The following TNFRSF1B variants were observed in gnomAD, a reference collection of about 807,000 sequenced individuals.
The protein encoded by TNFRSF1B is tumor necrosis factor receptor superfamily member 1B.
A neutral mutation model predicts 44.6 loss-of-function variants in TNFRSF1B; 19 were observed. The observed-to-expected ratio is 0.43, with a 90% CI of 0.30 to 0.62. The LOEUF is 0.62. TNFRSF1B is among the 20% of genes least tolerant of loss of function. TNFRSF1B has a pLI of 0.16. For synonymous variants in TNFRSF1B, 252 were observed against 261.1 expected (o/e 0.97, Z 0.34); for missense variants, 541 against 619.9 (o/e 0.87, Z 1.35).
At chr1:12,192,807 C>T (rs923246282) in intron 5 of TNFRSF1B, 56 bp from the exon 6 acceptor site, 15 of 1,469,154 alleles carry the variant, frequency 1.0e-5, no homozygotes, top group Non-Finnish European at 1.4e-5. Flanking sequence ...ATGAGCCCAG[C>T]CACCCCAGCC....
intron 1 of TNFRSF1B, among the ~76,000 whole-genome samples, chr1:12,183,804 AGCTATCTATCTAT>A (rs1251944357): frequency 3.0e-4 from 36 of 121,322 alleles, no homozygotes; most frequent in East Asian, 7.0e-4. Flanking sequence ...CTATCTATCT[AGCTATCTATCTAT>A]TCTATCTACC....
intron 5 of TNFRSF1B, 48 bp downstream of exon 5, chr1:12,192,572 C>A: frequency 6.4e-7 from 1 of 1,569,586 alleles, no homozygotes. Flanking sequence ...AGGGGCTGTC[C>A]CTGGGTGACT....
intron 2 of TNFRSF1B, among the ~76,000 whole-genome samples, chr1:12,190,752 A>G (rs1265783861): frequency 6.6e-6 from 1 of 151,892 alleles, no homozygotes; most frequent in East Asian, 1.9e-4. Context: ...AGCAGAGAGG[A>G]ATCTATTTTT....
rs367831512 is a variant in TNFRSF1B, at chr1:12,196,363, G to A, written c.900+1745G>A. Among the ~76,000 whole-genome samples the A allele has an allele frequency of 1.1e-4, 17 of 152,232 alleles. 1 individual carries two copies. Among genetic ancestry groups the A allele is most frequent in the South Asian group, 2.1e-4 (1 of 4,818 alleles). ...CTTACTTAGTTGTGGGGGCTGTCCC[G>A]TGCTATTCAGCAGCATCTTTGGTCT... On this transcript the variant is annotated intron_variant, in intron 8 of 9. Coordinates refer to ENST00000376259, the MANE Select transcript of TNFRSF1B (RefSeq NM_001066.3).
intron 9 of TNFRSF1B, among the ~76,000 whole-genome samples, chr1:12,204,213 C>G (rs1430196915): frequency 1.3e-5 from 2 of 152,150 alleles, no homozygotes; most frequent in African/African-American, 4.8e-5. Context: ...CCTAACACCT[C>G]CCTCCACTGT....
intron 1 of TNFRSF1B, among the ~76,000 whole-genome samples, chr1:12,184,541 C>T (rs1453818958): frequency 1.3e-5 from 2 of 152,166 alleles, no homozygotes; most frequent in East Asian, 3.9e-4. Context: ...CACAGCAAAG[C>T]CTCAGACAAG....
At position 12,186,819 on chromosome 1, in the gene TNFRSF1B, G is replaced by GT. The variant is rs143242895; in HGVS notation, c.79-1976dup. Among the ~76,000 whole-genome samples, 1 of 152,334 alleles carries GT rather than the reference G, an allele frequency of 6.6e-6. No homozygotes were observed. Among genetic ancestry groups the GT allele is most frequent in the African/African-American group, 2.4e-5 (1 of 41,574 alleles). On this transcript the variant is annotated intron_variant, in intron 1 of 9. Coordinates refer to ENST00000376259, the MANE Select transcript of TNFRSF1B (RefSeq NM_001066.3). The surrounding 1 kb of genome is among the most constrained non-coding windows in gnomAD (Gnocchi z 4.8). ...TGGGGGCCCCTGAAGGACTTGGGGT[G>GT]TGTGTGTACACCCTCTTTGCTTGTA... is the stretch of plus-strand genomic sequence containing the variant.
intron 1 of TNFRSF1B, among the ~76,000 whole-genome samples, chr1:12,174,782 A>G (rs1348817300): frequency 6.6e-6 from 1 of 152,194 alleles, no homozygotes; most frequent in Non-Finnish European, 1.5e-5. Context: ...GGGAAAACAG[A>G]CAGTGTAACC....
At chr1:12,198,596 GGC>G (rs1473108727) in intron 8 of TNFRSF1B, among the ~76,000 whole-genome samples, 1 of 151,978 alleles carries the variant, frequency 6.6e-6, no homozygotes, top group African/African-American at 2.4e-5. Flanking sequence ...CCTGGCCCGT[GGC>G]TCTGCTGGGT....
chr1:12,207,203 C>T lies in TNFRSF1B; in HGVS notation c.*183C>T. ...CTGACCTGCAGGCCAAGAGCAGAGG[C>T]AGCGAGTTGTGGAAAGCCTCTGCTG... On this transcript the variant is annotated 3_prime_UTR_variant, in exon 10 of 10. Transcript: ENST00000376259. 1.7e-6 allele frequency: 1 copy of T among 582,418 alleles called. No homozygotes were observed. Among genetic ancestry groups the T allele is most frequent in the Admixed American group, 3.5e-5 (1 of 28,396 alleles). The allele number at this position is 582,418 out of a possible 1,614,324, so 36.1% of individuals were successfully genotyped here.
intron 9 of TNFRSF1B, among the ~76,000 whole-genome samples, chr1:12,203,555 G>A (rs1159297298): frequency 6.6e-6 from 1 of 152,272 alleles, no homozygotes; most frequent in African/African-American, 2.4e-5. Context: ...CAGCCTCCTC[G>A]GTGGGAGGTC....
chr1:12,171,008 AT>A lies in TNFRSF1B; in HGVS notation c.78+3848del, dbSNP rs998445538. ...ACTTCTTCTTCTTTTTTTCTATTTAATTTTTTTTTATTGAGATAGAGTCTTA... is the reference window on the plus strand; with the variant it reads ...ACTTCTTCTTCTTTTTTTCTATTTAATTTTTTTTATTGAGATAGAGTCTTA... On this transcript the variant is annotated intron_variant, in intron 1 of 9. Coordinates refer to ENST00000376259, the MANE Select transcript of TNFRSF1B (RefSeq NM_001066.3). The surrounding 1 kb of genome is among the most constrained non-coding windows in gnomAD (Gnocchi z 4.5). 1.8e-4 allele frequency among the ~76,000 whole-genome samples: 25 copies of A among 139,280 alleles called. No individual in the cohort carries two copies. The highest frequency in any genetic ancestry group is 4.7e-3 in the Middle Eastern group (1 of 212). 91.4% of individuals were successfully genotyped at this position (139,280 alleles called of 152,430 possible). A position where few individuals can be genotyped will look rare whatever the true frequency, so the allele number is the denominator to read the frequency against.
chr1:12,194,947 G>A (rs1291377376), intron 8 of TNFRSF1B, among the ~76,000 whole-genome samples: 1 of 152,262 alleles, frequency 6.6e-6, no homozygotes, highest in African/African-American at 2.4e-5. Flanking sequence ...GTGTCTGCTC[G>A]ATCCAGCCTG....
intron 8 of TNFRSF1B, among the ~76,000 whole-genome samples, chr1:12,200,388 C>T (rs907694742): frequency 2.0e-5 from 3 of 151,914 alleles, no homozygotes; most frequent in South Asian, 2.1e-4. Flanking sequence ...CTCTCTGCCC[C>T]GGAATGATTG....
chr1:12,192,107 C>G (rs1219675263), intron 4 of TNFRSF1B, among the ~76,000 whole-genome samples, 184 bp downstream of exon 4: 1 of 152,214 alleles, frequency 6.6e-6, no homozygotes, highest in East Asian at 1.9e-4. Context: ...CCAGCACTCC[C>G]GATTAGGCAC....
Position 12,177,409 on chromosome 1 carries a change from C to T in TNFRSF1B, c.78+10240C>T, listed in dbSNP as rs555732308. ...CCTGGTCACCGCTGGCTGGTTACCCCGGCTGGGTTGGGCAGGAGTCTGGGC... is the reference window on the plus strand; with the variant it reads ...CCTGGTCACCGCTGGCTGGTTACCCTGGCTGGGTTGGGCAGGAGTCTGGGC... On this transcript the variant is annotated intron_variant, in intron 1 of 9. Transcript: ENST00000376259. The surrounding 1 kb of genome is among the most constrained non-coding windows in gnomAD (Gnocchi z 4.3). 2.5e-4 allele frequency among the ~76,000 whole-genome samples: 38 copies of T among 152,286 alleles called. No homozygotes were observed. In the South Asian group the frequency reaches 3.3e-3, roughly 13 times the overall value.
In TNFRSF1B at chr1:12,168,297, A is replaced by G. The variant is rs1638440617; in HGVS notation, c.78+1128A>G. On this transcript the variant is annotated intron_variant, in intron 1 of 9. Transcript: ENST00000376259. The surrounding 1 kb of genome is among the most constrained non-coding windows in gnomAD (Gnocchi z 4.7). The stretch of plus-strand genomic sequence containing the variant: ...AGGTGGCACTGGCTTCTGTGGTGAC[A>G]TAAGGTGACTTGTTGATCTGAGGCC... Among the ~76,000 whole-genome samples the G allele has an allele frequency of 6.6e-6, 1 of 152,200 alleles. No homozygotes were observed. Among genetic ancestry groups the G allele is most frequent in the Admixed American group, 6.5e-5 (1 of 15,280 alleles).
At chr1:12,183,748 TCTAGCTAG>T (rs1174385673) in intron 1 of TNFRSF1B, among the ~76,000 whole-genome samples, 1,586 of 116,888 alleles carry the variant, frequency 0.014, 60 homozygotes, top group Middle Eastern at 0.028. Flanking sequence ...TATCTATCTA[TCTAGCTAG>T]CTAGCTAGCT....
At chr1:12,175,243 G>A (rs563324525) in intron 1 of TNFRSF1B, among the ~76,000 whole-genome samples, 4 of 152,206 alleles carry the variant, frequency 2.6e-5, no homozygotes, top group African/African-American at 4.8e-5. Context: ...ATCTTGGCCC[G>A]GCCTCTGCTT....
Sources: allele counts gnomAD v4.1 joint callset (sites outside exome capture counted in the v4.1 genomes callset), GRCh38; gene constraint gnomAD v4.1.1; non-coding constraint Gnocchi (gnomAD v3.1); transcripts MANE v1.5; gene names NCBI Gene and HGNC (gene_info 2026-07-23, HGNC 2026-07-21).